GALNTL6: variants seen among roughly 807,000 people sequenced by gnomAD.
The protein encoded by GALNTL6 is polypeptide N-acetylgalactosaminyltransferase-like 6.
A neutral mutation model predicts 73.7 loss-of-function variants in GALNTL6; 46 were observed. The ratio of observed to expected loss-of-function variants is 0.62; its 90% CI spans 0.49 to 0.80. The LOEUF (loss-of-function observed/expected upper bound fraction) is 0.80. Among genes scored for constraint, GALNTL6 ranks in the 30% least tolerant of loss-of-function variants. The pLI, the probability that GALNTL6 is intolerant of heterozygous loss-of-function variation, is 0.00. For missense variants in GALNTL6, 604 were observed against 755.0 expected (o/e 0.80, Z 2.34); for synonymous variants, 259 against 263.7 (o/e 0.98, Z 0.17).
chr4:172,957,057 G>A (rs1749785377), intron 10 of GALNTL6, among the ~76,000 whole-genome samples: 1 of 152,196 alleles, frequency 6.6e-6, no homozygotes, highest in African/African-American at 2.4e-5. Flanking sequence ...TCCAGTGAAA[G>A]TGTCTACCTA....
intron 5 of GALNTL6, among the ~76,000 whole-genome samples, chr4:172,495,359 A>G (rs1306546671): frequency 1.3e-5 from 2 of 152,106 alleles, no homozygotes; most frequent in African/African-American, 4.8e-5. Context: ...CCAGCTCTAC[A>G]CTCCTGACTG....
intron 2 of GALNTL6, among the ~76,000 whole-genome samples, chr4:172,149,292 A>G (rs1734005278): frequency 6.6e-6 from 1 of 152,140 alleles, no homozygotes; most frequent in Admixed American, 6.5e-5. Context: ...ACACCTACAC[A>G]CTGGACTCCT....
chr4:172,534,095 G>A (rs7656178), intron 5 of GALNTL6, among the ~76,000 whole-genome samples: 31,265 of 152,080 alleles, frequency 0.21, 3,487 homozygotes, highest in African/African-American at 0.28. Context: ...CAGCCACCAC[G>A]GGGAAATGAT....
intron 2 of GALNTL6, among the ~76,000 whole-genome samples, chr4:172,176,121 C>T (rs1734984987): frequency 1.3e-5 from 2 of 151,788 alleles, no homozygotes. Flanking sequence ...GGGCGGATCA[C>T]AAGGTCAGGA....
intron 3 of GALNTL6, among the ~76,000 whole-genome samples, chr4:172,243,190 G>A (rs1028882706): frequency 1.3e-5 from 2 of 152,066 alleles, no homozygotes; most frequent in African/African-American, 2.4e-5. Context: ...TTCACTTGCT[G>A]CTCTTGCTAC....
chr4:172,354,097 A>T (rs1742065053), intron 5 of GALNTL6, among the ~76,000 whole-genome samples: 2 of 152,124 alleles, frequency 1.3e-5, no homozygotes, highest in Non-Finnish European at 2.9e-5. Flanking sequence ...CTAACACTAA[A>T]GTGCATTTAA....
At chr4:172,094,588 A>C (rs1270383203) in intron 2 of GALNTL6, among the ~76,000 whole-genome samples, 3 of 152,114 alleles carry the variant, frequency 2.0e-5, no homozygotes. Flanking sequence ...TAACAATCCA[A>C]ATAAATTATG....
chr4:171,973,671 C>T (rs1739635393), intron 2 of GALNTL6, among the ~76,000 whole-genome samples: 1 of 152,098 alleles, frequency 6.6e-6, no homozygotes, highest in South Asian at 2.1e-4. Flanking sequence ...ATTAAGACTT[C>T]AACATATCTT....
intron 2 of GALNTL6, among the ~76,000 whole-genome samples, chr4:171,876,029 C>CTTAT (rs1457418814): frequency 6.6e-6 from 1 of 151,646 alleles, no homozygotes; most frequent in East Asian, 1.9e-4. Context: ...ATAATATTAC[C>CTTAT]CTACTTTTAA....
chr4:173,033,007 T>TC (rs1215572715), intron 12 of GALNTL6, among the ~76,000 whole-genome samples: 1 of 152,138 alleles, frequency 6.6e-6, no homozygotes, highest in Non-Finnish European at 1.5e-5. Context: ...TTATTTCTTT[T>TC]CTTTTTTTTT....
At chr4:172,976,667 A>G (rs941554248) in intron 10 of GALNTL6, among the ~76,000 whole-genome samples, 7 of 152,362 alleles carry the variant, frequency 4.6e-5, no homozygotes, top group South Asian at 2.1e-4. Flanking sequence ...TTGTACTTCA[A>G]TCTAAGATTG....
At chr4:172,856,354 C>T (rs1466706144) in intron 7 of GALNTL6, among the ~76,000 whole-genome samples, 1 of 152,136 alleles carries the variant, frequency 6.6e-6, no homozygotes, top group African/African-American at 2.4e-5. Flanking sequence ...TTTAGTATAA[C>T]CTTCCACATA....
chr4:173,000,491 C>G (rs949272142), intron 10 of GALNTL6, among the ~76,000 whole-genome samples: 2 of 152,140 alleles, frequency 1.3e-5, no homozygotes, highest in Non-Finnish European at 2.9e-5. Context: ...GCAAAGTGAT[C>G]TACAGATTAG....
At chr4:172,560,416 T>C (rs576651368) in intron 5 of GALNTL6, among the ~76,000 whole-genome samples, 77 of 152,186 alleles carry the variant, frequency 5.1e-4, no homozygotes, top group South Asian at 4.4e-3. Flanking sequence ...GAGGATCACT[T>C]GAGCCCAGGA....
intron 3 of GALNTL6, among the ~76,000 whole-genome samples, chr4:172,310,682 A>G (rs1740321335): frequency 6.6e-6 from 1 of 152,186 alleles, no homozygotes; most frequent in African/African-American, 2.4e-5. Flanking sequence ...AAAAATTTTG[A>G]TAGATAAAAT....
chr4:171,956,780 C>T (rs553597850), intron 2 of GALNTL6, among the ~76,000 whole-genome samples: 4 of 152,274 alleles, frequency 2.6e-5, no homozygotes, highest in South Asian at 4.1e-4. Flanking sequence ...TCATTCTCTT[C>T]TTCTGGAATG....
intron 2 of GALNTL6, among the ~76,000 whole-genome samples, chr4:171,882,835 A>G (rs974723325): frequency 2.6e-5 from 4 of 152,226 alleles, no homozygotes; most frequent in African/African-American, 7.2e-5. Context: ...TTGACACTCA[A>G]TACTAACCAT....
At chr4:172,847,829 A>G (rs763749625) in intron 7 of GALNTL6, among the ~76,000 whole-genome samples, 1 of 152,168 alleles carries the variant, frequency 6.6e-6, no homozygotes, top group African/African-American at 2.4e-5. Flanking sequence ...ACAAGACATG[A>G]GGGATCCCTA....
chr4:172,350,585 G>T (rs953267832), intron 5 of GALNTL6, among the ~76,000 whole-genome samples: 1 of 152,042 alleles, frequency 6.6e-6, no homozygotes, highest in African/African-American at 2.4e-5. Context: ...TTACTTTAAC[G>T]CTTAGGTAAA....
Sources: allele counts gnomAD v4.1 joint callset (sites outside exome capture counted in the v4.1 genomes callset), GRCh38; gene constraint gnomAD v4.1.1; transcripts MANE v1.5; gene names NCBI Gene and HGNC (gene_info 2026-07-23, HGNC 2026-07-21).